Variants in NEGR1 observed in about 807,000 individuals in gnomAD.
NEGR1 encodes IgLON family member 4.
Under a neutral mutation model 40.9 loss-of-function variants are expected in NEGR1, and 10 were observed. That is an observed-to-expected ratio of 0.24 (90% CI 0.15 to 0.42). NEGR1 has a LOEUF of 0.42. NEGR1 is among the 10% of genes least tolerant of loss of function. The pLI, the probability that NEGR1 is intolerant of heterozygous loss-of-function variation, is 1.00. For synonymous variants in NEGR1, 185 were observed against 166.8 expected (o/e 1.11, Z -0.84); for missense variants, 352 against 438.9 (o/e 0.80, Z 1.77).
chr1:71,666,185 T>C (rs1652235899), intron 4 of NEGR1, among the ~76,000 whole-genome samples: 1 of 152,224 alleles, frequency 6.6e-6, no homozygotes, highest in African/African-American at 2.4e-5. Flanking sequence ...AAGAACATTA[T>C]ATATGACTCA....
chr1:71,604,955 C>T (rs1570095834), intron 5 of NEGR1, among the ~76,000 whole-genome samples: 1 of 152,106 alleles, frequency 6.6e-6, no homozygotes, highest in Middle Eastern at 3.2e-3. Context: ...TTTGTAGGTA[C>T]ACAGCTTTTA....
At chr1:71,652,123 T>C (rs1651736887) in intron 4 of NEGR1, among the ~76,000 whole-genome samples, 1 of 152,166 alleles carries the variant, frequency 6.6e-6, no homozygotes, top group Non-Finnish European at 1.5e-5. Context: ...AAAACCAAGA[T>C]ATGCCCAATT....
chr1:72,049,816 A>C (rs559576336), intron 1 of NEGR1, among the ~76,000 whole-genome samples: 1 of 151,686 alleles, frequency 6.6e-6, no homozygotes, highest in African/African-American at 2.4e-5. Context: ...TGGTGTTATT[A>C]TTTCGCTCTA....
chr1:71,656,192 C>G (rs1284329840), intron 4 of NEGR1, among the ~76,000 whole-genome samples: 1 of 152,140 alleles, frequency 6.6e-6, no homozygotes, highest in Non-Finnish European at 1.5e-5. Context: ...GTATCAGACG[C>G]AGTGACATAA....
At chr1:72,205,221 C>G (rs10493494) in intron 1 of NEGR1, among the ~76,000 whole-genome samples, 31,337 of 151,822 alleles carry the variant, frequency 0.21, 3,741 homozygotes, top group South Asian at 0.28. Context: ...CTAGGTTCTT[C>G]TGACTTCCTG....
intron 6 of NEGR1, among the ~76,000 whole-genome samples, chr1:71,575,360 G>A (rs1291309715): frequency 1.3e-5 from 2 of 152,184 alleles, no homozygotes; most frequent in African/African-American, 2.4e-5. Flanking sequence ...ACAAGACTAA[G>A]GGTATTGCCC....
At chr1:71,452,724 T>C (rs1188939543) in intron 6 of NEGR1, among the ~76,000 whole-genome samples, 2 of 151,950 alleles carry the variant, frequency 1.3e-5, no homozygotes, top group African/African-American at 4.8e-5. Context: ...AAAGTAGTTA[T>C]TAATGAAGAA....
At chr1:71,759,886 G>A (rs1655883156) in intron 3 of NEGR1, among the ~76,000 whole-genome samples, 1 of 151,816 alleles carries the variant, frequency 6.6e-6, no homozygotes, top group Non-Finnish European at 1.5e-5. Flanking sequence ...TGGGATTACA[G>A]GCATGAACCA....
At chr1:72,113,874 A>G (rs1649481047) in intron 1 of NEGR1, among the ~76,000 whole-genome samples, 1 of 151,754 alleles carries the variant, frequency 6.6e-6, no homozygotes, top group Non-Finnish European at 1.5e-5. Flanking sequence ...ACGTGACAGC[A>G]TCACACAGAC....
At chr1:72,281,343 A>C (rs765643948) in intron 1 of NEGR1, among the ~76,000 whole-genome samples, 1 of 152,216 alleles carries the variant, frequency 6.6e-6, no homozygotes, top group African/African-American at 2.4e-5. Context: ...TTTTAAAAAC[A>C]GTGAGAGACA....
intron 1 of NEGR1, among the ~76,000 whole-genome samples, chr1:71,979,857 G>A (rs1646339431): frequency 6.6e-6 from 1 of 152,128 alleles, no homozygotes. Flanking sequence ...TTAAAGTCGT[G>A]TGTAACTTGG....
chr1:71,750,116 C>T (rs1655520633), intron 3 of NEGR1, among the ~76,000 whole-genome samples: 2 of 151,854 alleles, frequency 1.3e-5, no homozygotes, highest in African/African-American at 4.8e-5. Flanking sequence ...GCCTCAGCCT[C>T]CCGAGTAGCT....
At chr1:71,690,955 AG>A (rs2101621901) in intron 4 of NEGR1, among the ~76,000 whole-genome samples, 1 of 152,086 alleles carries the variant, frequency 6.6e-6, no homozygotes, top group South Asian at 2.1e-4. Context: ...TTTTAGGAAA[AG>A]GAGAAATAAT....
intron 1 of NEGR1, among the ~76,000 whole-genome samples, chr1:72,162,776 T>A (rs938088281): frequency 2.0e-5 from 3 of 152,156 alleles, no homozygotes; most frequent in Admixed American, 6.6e-5. Flanking sequence ...ACAATCATGG[T>A]CTTATTATGT....
chr1:71,959,270 A>C (rs1193064752), intron 1 of NEGR1, among the ~76,000 whole-genome samples: 1 of 152,130 alleles, frequency 6.6e-6, no homozygotes, highest in African/African-American at 2.4e-5. Flanking sequence ...AAACACCCAC[A>C]TCTAAAACCA....
intron 3 of NEGR1, among the ~76,000 whole-genome samples, chr1:71,707,225 T>C (rs549777821): frequency 2.0e-5 from 3 of 152,234 alleles, no homozygotes; most frequent in African/African-American, 7.2e-5. Context: ...GAGCTGACTC[T>C]TGGGTGGCAT....
intron 1 of NEGR1, among the ~76,000 whole-genome samples, chr1:72,047,505 C>T (rs2100468323): frequency 6.6e-6 from 1 of 151,244 alleles, no homozygotes; most frequent in South Asian, 2.1e-4. Flanking sequence ...GCTTAATATG[C>T]ATCAGATACT....
intron 1 of NEGR1, among the ~76,000 whole-genome samples, chr1:72,197,060 T>G (rs770740435): frequency 6.6e-6 from 1 of 151,930 alleles, no homozygotes; most frequent in Non-Finnish European, 1.5e-5. Context: ...ATCTGAAAAT[T>G]TTTGTGATGT....
intron 3 of NEGR1, among the ~76,000 whole-genome samples, chr1:71,740,064 T>C (rs2101675191): frequency 6.6e-6 from 1 of 152,314 alleles, no homozygotes; most frequent in South Asian, 2.1e-4. Flanking sequence ...ATGTGTTCTA[T>C]TTAGATCTGG....
Sources: allele counts gnomAD v4.1 joint callset (sites outside exome capture counted in the v4.1 genomes callset), GRCh38; gene constraint gnomAD v4.1.1; transcripts MANE v1.5; gene names NCBI Gene and HGNC (gene_info 2026-07-23, HGNC 2026-07-21).